SPMIP8: variants seen among roughly 807,000 people sequenced by gnomAD.
SPMIP8 encodes testicular tissue protein Li 196.
At chr16:57,977,343 G>C in the SPMIP8 span, among the ~76,000 whole-genome samples, 4 of 138,190 alleles carry the variant, frequency 2.9e-5, no homozygotes. Context: ...CCAGGAGACA[G>C]AGGTTGCATT....
At chr16:57,981,431 T>TATTATTATTATA in the SPMIP8 span, among the ~76,000 whole-genome samples, 1 of 133,128 alleles carries the variant, frequency 7.5e-6, no homozygotes, top group African/African-American at 2.8e-5. Context: ...TTATTATTAT[T>TATTATTATTATA]ATAATTTGGT....
At chr16:57,982,940 G>GT in the SPMIP8 span, among the ~76,000 whole-genome samples, 1 of 152,136 alleles carries the variant, frequency 6.6e-6, no homozygotes, top group Admixed American at 6.5e-5. Context: ...TGAGGCGTGA[G>GT]AATCGCTTGA....
chr16:57,983,989 G>C, the SPMIP8 span, among the ~76,000 whole-genome samples: 14 of 151,422 alleles, frequency 9.2e-5, no homozygotes, highest in Non-Finnish European at 2.1e-4. Flanking sequence ...CTGAAGCTTC[G>C]ACCTCCTGGA....
the SPMIP8 span, among the ~76,000 whole-genome samples, chr16:57,983,883 G>A: frequency 6.6e-6 from 1 of 152,104 alleles, no homozygotes. Context: ...AAAGTGCTGG[G>A]ATTACAAGTG....
chr16:57,986,707 C>T, the SPMIP8 span: 2 of 152,310 alleles, frequency 1.3e-5, no homozygotes, highest in African/African-American at 4.8e-5. Context: ...AATTCTCCTG[C>T]CTCAGCTTTC....
At chr16:57,985,634 C>G in the SPMIP8 span, 1 of 1,489,058 alleles carries the variant, frequency 6.7e-7, no homozygotes, top group Non-Finnish European at 9.0e-7. Flanking sequence ...GGCAATGCCC[C>G]TTGAAAACGT....
chr16:57,981,407 A>AATTATTATTATT, the SPMIP8 span, among the ~76,000 whole-genome samples: 70 of 56,402 alleles, frequency 1.2e-3, 1 homozygote, highest in Non-Finnish European at 3.2e-3. Flanking sequence ...TTATTATTAT[A>AATTATTATTATT]ATAATAATTA....
the SPMIP8 span, chr16:57,984,174 G>A: frequency 3.6e-6 from 3 of 833,536 alleles, 1 homozygote; most frequent in South Asian, 4.3e-5. Context: ...GAAGTGCTGG[G>A]ATTACAGGTG....
chr16:57,984,188 G>A, the SPMIP8 span: 2 of 940,348 alleles, frequency 2.1e-6, no homozygotes, highest in Non-Finnish European at 3.5e-6. Flanking sequence ...ACAGGTGTGA[G>A]CCATCGTGCC....
the SPMIP8 span, chr16:57,984,478 C>T: frequency 1.3e-6 from 2 of 1,524,126 alleles, no homozygotes; most frequent in East Asian, 4.5e-5. Flanking sequence ...GGGACTCCCG[C>T]TCCCCACATC....
At chr16:57,977,813 A>G in the SPMIP8 span, 39 of 1,610,090 alleles carry the variant, frequency 2.4e-5, no homozygotes, top group Non-Finnish European at 3.4e-6. Context: ...TCTGCCCCCC[A>G]GCTATGGCCC....
chr16:57,977,430 G>GA, the SPMIP8 span, among the ~76,000 whole-genome samples: 5 of 136,272 alleles, frequency 3.7e-5, no homozygotes, highest in South Asian at 2.3e-4. Context: ...AAAAAGAAAA[G>GA]AAAGAAAGAA....
At chr16:57,984,432 G>A in the SPMIP8 span, 10 of 1,590,886 alleles carry the variant, frequency 6.3e-6, no homozygotes, top group Non-Finnish European at 8.6e-6. Context: ...CTGGTCCTGG[G>A]ATCTACACCC....
chr16:57,983,840 T>A, the SPMIP8 span, among the ~76,000 whole-genome samples: 4 of 152,224 alleles, frequency 2.6e-5, no homozygotes, highest in Non-Finnish European at 5.9e-5. Context: ...CTCGAACTCC[T>A]GAGCTCAAGT....
chr16:57,981,431 T>TATAATTATTATTATTATAATA, the SPMIP8 span, among the ~76,000 whole-genome samples: 136 of 133,126 alleles, frequency 1.0e-3, 3 homozygotes, highest in African/African-American at 9.3e-4. Context: ...TTATTATTAT[T>TATAATTATTATTATTATAATA]ATAATTTGGT....
At chr16:57,978,148 G>A in the SPMIP8 span, 49 of 1,299,458 alleles carry the variant, frequency 3.8e-5, no homozygotes, top group Admixed American at 8.0e-4. Flanking sequence ...GCTGCTCCCT[G>A]CCCAGGACAC....
At chr16:57,984,578 G>T in the SPMIP8 span, 1 of 1,499,362 alleles carries the variant, frequency 6.7e-7, no homozygotes, top group Admixed American at 2.4e-5. Context: ...GACTGGGATG[G>T]CTTCCCTAGG....
At chr16:57,985,987 T>G in the SPMIP8 span, 1 of 1,572,644 alleles carries the variant, frequency 6.4e-7, no homozygotes, top group Non-Finnish European at 8.6e-7. Flanking sequence ...CACGTTCTCA[T>G]CCGACTGCTG....
chr16:57,980,189 A>T, the SPMIP8 span, among the ~76,000 whole-genome samples: 1 of 152,208 alleles, frequency 6.6e-6, no homozygotes, highest in African/African-American at 2.4e-5. Context: ...AAAGATAGGC[A>T]TGTCAAAGGA....
Sources: allele counts gnomAD v4.1 joint callset (sites outside exome capture counted in the v4.1 genomes callset), GRCh38; gene constraint gnomAD v4.1.1; transcripts MANE v1.5; gene names NCBI Gene and HGNC (gene_info 2026-07-23, HGNC 2026-07-21).